The following SLC17A7 variants were observed in gnomAD, a reference collection of about 807,000 sequenced individuals.
SLC17A7 encodes the protein vesicular glutamate transporter 1.
A neutral mutation model predicts 59.1 loss-of-function variants in SLC17A7; 15 were observed. The ratio of observed to expected loss-of-function variants is 0.25; its 90% CI spans 0.17 to 0.39. SLC17A7 has a LOEUF of 0.39. Ranked by LOEUF, SLC17A7 falls within the 10% of genes least tolerant of loss-of-function variation. The probability of loss-of-function intolerance (pLI) is 1.00; values close to 1 mark genes in which losing one functional copy is unlikely to be tolerated. For synonymous variants in SLC17A7, 353 were observed against 308.9 expected (o/e 1.14, Z -1.50); for missense variants, 499 against 765.1 (o/e 0.65, Z 4.10).
rs2078950362 is a variant in SLC17A7, at chr19:49,429,672, C to G, written c.*847G>C. On this transcript the variant is annotated 3_prime_UTR_variant, in exon 12 of 12. Transcript: ENST00000221485. ...TGAGAAACAGGGTAGTTCGAAACCACCCAGGAGAATAAAGTGCGAGGAATT... is the reference window on the plus strand; with the variant it reads ...TGAGAAACAGGGTAGTTCGAAACCAGCCAGGAGAATAAAGTGCGAGGAATT... The G allele has an allele frequency of 5.0e-6, 2 of 397,912 alleles. No individual in the cohort carries two copies. Among genetic ancestry groups the G allele is most frequent in the Non-Finnish European group, 8.9e-6 (2 of 225,728 alleles). 24.6% of individuals were successfully genotyped at this position (397,912 alleles called of 1,614,324 possible).
At position 49,441,469 on chromosome 19, in the gene SLC17A7, G is replaced by C; in HGVS notation, c.-90C>G. 1 of 1,025,888 alleles carries C rather than the reference G, an allele frequency of 9.7e-7. No individual in the cohort carries two copies. The highest frequency in any genetic ancestry group is 1.1e-6 in the Non-Finnish European group (1 of 885,890). 63.5% of individuals were successfully genotyped at this position (1,025,888 alleles called of 1,614,324 possible). The stretch of plus-strand genomic sequence containing the variant: ...CGGGCGGCCGCGTCCGGGTTCCCGG[G>C]GTCCAGCCCCGGCCCGGCCGGCCCC... On this transcript the variant is annotated 5_prime_UTR_variant, in exon 1 of 12. Coordinates refer to ENST00000221485, the MANE Select transcript of SLC17A7 (RefSeq NM_020309.4).
rs1189944987 is a variant in SLC17A7 at position 49,436,603 on chromosome 19, G to T, written c.261C>A (p.Ile87=). ...TCGTGCTGTTATTGACCATGGAGAC[G>T]ATGGCCACGCCCAGGTTGCAGCGGA... ...FGIRCNLGVA[I]VSMVNNSTTH... The change falls in exon 2 of 12, where the codon ATC becomes ATA. Residue 87 remains isoleucine (I), a synonymous_variant. Coordinates refer to ENST00000221485, the MANE Select transcript of SLC17A7 (RefSeq NM_020309.4). This position sits in a 1 kb window ranked among gnomAD's most constrained non-coding sequence, Gnocchi z 4.1. 6.2e-7 allele frequency: 1 copy of T among 1,614,022 alleles called. No individual in the cohort carries two copies. Among genetic ancestry groups the T allele is most frequent in the South Asian group, 1.1e-5 (1 of 91,080 alleles).
chr19:49,432,696 G>A (rs1568634154), intron 8 of SLC17A7, 45 bp from the exon 9 acceptor site: 1 of 1,605,042 alleles, frequency 6.2e-7, no homozygotes, highest in Non-Finnish European at 8.5e-7. Context: ...GGGGCCGCCG[G>A]CTCGGCGTCT....
chr19:49,439,678 C>T (rs1413836004), intron 1 of SLC17A7, among the ~76,000 whole-genome samples: 1 of 152,236 alleles, frequency 6.6e-6, no homozygotes. Context: ...ATTCCCCTCT[C>T]CCTCCAACCA....
Position 49,441,443 on chromosome 19 carries a change from C to T in SLC17A7, c.-64G>A. The T allele has an allele frequency of 7.8e-7, 1 of 1,277,556 alleles. No homozygotes were observed. Among genetic ancestry groups the T allele is most frequent in the East Asian group, 3.9e-5 (1 of 25,670 alleles). 79.1% of individuals were successfully genotyped at this position (1,277,556 alleles called of 1,614,324 possible). On this transcript the variant is annotated 5_prime_UTR_variant, in exon 1 of 12. Coordinates refer to ENST00000221485, the MANE Select transcript of SLC17A7 (RefSeq NM_020309.4). ...CCCGCCGATCCCCCCGCCCGCGGGCCCGGGCGGCCGCGTCCGGGTTCCCGG... is the reference window on the plus strand; with the variant it reads ...CCCGCCGATCCCCCCGCCCGCGGGCTCGGGCGGCCGCGTCCGGGTTCCCGG...
intron 1 of SLC17A7, among the ~76,000 whole-genome samples, chr19:49,439,529 G>C (rs1443762514): frequency 1.3e-5 from 2 of 152,174 alleles, no homozygotes; most frequent in African/African-American, 4.8e-5. Context: ...TTCTAGGCTT[G>C]GGAGGGAGAC....
At chr19:49,440,076 C>G (rs1342823509) in intron 1 of SLC17A7, among the ~76,000 whole-genome samples, 1 of 152,198 alleles carries the variant, frequency 6.6e-6, no homozygotes, top group Non-Finnish European at 1.5e-5. Context: ...CACCAACCTC[C>G]GTCACTGCAC....
rs2078953547 is a variant in SLC17A7 at position 49,430,371 on chromosome 19, G to A, written c.*148C>T. The A allele has an allele frequency of 3.5e-6, 2 of 579,542 alleles. No individual in the cohort carries two copies. Among genetic ancestry groups the A allele is most frequent in the Non-Finnish European group, 5.9e-6 (2 of 337,248 alleles). 35.9% of individuals were successfully genotyped at this position (579,542 alleles called of 1,614,324 possible). A position where few individuals can be genotyped will look rare whatever the true frequency, so the allele number is the denominator to read the frequency against. ...CCCTGAGAGGCAATTGGGAAGGAAA[G>A]AGGATTTGACAGCACTGGGAACAAG... is the stretch of plus-strand genomic sequence containing the variant. On this transcript the variant is annotated 3_prime_UTR_variant, in exon 12 of 12. Transcript: ENST00000221485.
intron 1 of SLC17A7, among the ~76,000 whole-genome samples, chr19:49,440,379 G>A (rs1200642183): frequency 2.6e-5 from 4 of 152,218 alleles, no homozygotes; most frequent in Admixed American, 6.5e-5. Context: ...CTTTTCCGCA[G>A]CTGAGTAATT....
rs779678838 is a variant in SLC17A7 at position 49,434,705 on chromosome 19, C to T, written c.550-16G>A. The T allele has an allele frequency of 6.2e-7, 1 of 1,614,166 alleles. No individual in the cohort carries two copies. The highest frequency in any genetic ancestry group is 8.5e-7 in the Non-Finnish European group (1 of 1,180,022). The stretch of plus-strand genomic sequence containing the variant: ...ATGTGACCCCCTAAAGAGGAGAAAA[C>T]CAAGGTCACTGAGAAGAGGCAGGGT... On this transcript the variant is annotated splice_polypyrimidine_tract_variant and intron_variant, in intron 4 of 11. Coordinates refer to ENST00000221485, the MANE Select transcript of SLC17A7 (RefSeq NM_020309.4).
In SLC17A7 at chr19:49,429,616, T is replaced by A. The variant is rs2078950197; in HGVS notation, c.*903A>T. The A allele has an allele frequency of 2.5e-6, 1 of 398,826 alleles. No homozygotes were observed. Among genetic ancestry groups the A allele is most frequent in the African/African-American group, 2.1e-5 (1 of 48,578 alleles). The allele number at this position is 398,826 out of a possible 1,614,324, so 24.7% of individuals were successfully genotyped here. A position where few individuals can be genotyped will look rare whatever the true frequency, so the allele number is the denominator to read the frequency against. The stretch of plus-strand genomic sequence containing the variant: ...GGAAGGATCCCAGATTTTGAGTCAT[T>A]AAGCCCCTGAGGGACACAACAAATG... On this transcript the variant is annotated 3_prime_UTR_variant, in exon 12 of 12. Coordinates refer to ENST00000221485, the MANE Select transcript of SLC17A7 (RefSeq NM_020309.4).
chr19:49,439,568 A>T (rs570709482), intron 1 of SLC17A7, among the ~76,000 whole-genome samples: 2 of 152,090 alleles, frequency 1.3e-5, no homozygotes, highest in African/African-American at 4.8e-5. Flanking sequence ...TGGGGCTCAT[A>T]CTCATCCACT....
At chr19:49,437,120 T>A in intron 1 of SLC17A7, 1 of 434,296 alleles carries the variant, frequency 2.3e-6, no homozygotes, top group Non-Finnish European at 4.2e-6. Flanking sequence ...TTCAAGAGCC[T>A]GTGCCCCCAC....
At position 49,430,237 on chromosome 19, in the gene SLC17A7, A is replaced by G. The variant is rs2078952577; in HGVS notation, c.*282T>C. 1 of 301,508 alleles carries G rather than the reference A, an allele frequency of 3.3e-6. No individual in the cohort carries two copies. Among genetic ancestry groups the G allele is most frequent in the Non-Finnish European group, 6.1e-6 (1 of 164,140 alleles). The allele number at this position is 301,508 out of a possible 1,614,324, so 18.7% of individuals were successfully genotyped here. On this transcript the variant is annotated 3_prime_UTR_variant, in exon 12 of 12. Coordinates refer to ENST00000221485, the MANE Select transcript of SLC17A7 (RefSeq NM_020309.4). ...GTAAGAGGTCGAACTGTCCATTCAA[A>G]TAAAGCCCTGAAAGGAGAGATTTGA...
Position 49,430,231 on chromosome 19 carries a change from A to AT in SLC17A7, c.*287dup, listed in dbSNP as rs1178674722. On this transcript the variant is annotated 3_prime_UTR_variant, in exon 12 of 12. Transcript: ENST00000221485. ...GAGAGAGTAAGAGGTCGAACTGTCC[A>AT]TTCAAATAAAGCCCTGAAAGGAGAG... 1.0e-5 allele frequency: 3 copies of AT among 290,122 alleles called. No individual in the cohort carries two copies. Among genetic ancestry groups the AT allele is most frequent in the Non-Finnish European group, 1.9e-5 (3 of 157,212 alleles). The allele number at this position is 290,122 out of a possible 1,614,324, so 18.0% of individuals were successfully genotyped here. A position where few individuals can be genotyped will look rare whatever the true frequency, so the allele number is the denominator to read the frequency against.
rs2078970102 is a variant in SLC17A7, at chr19:49,433,874, G to A, written c.725-6C>T. 6.2e-7 allele frequency: 1 copy of A among 1,611,120 alleles called. No homozygotes were observed. Among genetic ancestry groups the A allele is most frequent in the Non-Finnish European group, 8.5e-7 (1 of 1,178,042 alleles). ...CCAGAAGATCCCGAAGCTGCCTGGG[G>A]GGGTCAGGAGGGGGATGGGAGCGAG... is the stretch of plus-strand genomic sequence containing the variant. On this transcript the variant is annotated splice_polypyrimidine_tract_variant and splice_region_variant and intron_variant, in intron 6 of 11. Transcript: ENST00000221485. The surrounding 1 kb of genome is among the most constrained non-coding windows in gnomAD (Gnocchi z 5.7).
Position 49,441,453 on chromosome 19 carries a change from G to A in SLC17A7, c.-74C>T. ...CCCCCGCCCGCGGGCCCGGGCGGCC[G>A]CGTCCGGGTTCCCGGGGTCCAGCCC... On this transcript the variant is annotated 5_prime_UTR_variant, in exon 1 of 12. Transcript: ENST00000221485. 8.4e-7 allele frequency: 1 copy of A among 1,195,834 alleles called. No homozygotes were observed. Among genetic ancestry groups the A allele is most frequent in the Non-Finnish European group, 1.0e-6 (1 of 976,730 alleles). 74.1% of individuals were successfully genotyped at this position (1,195,834 alleles called of 1,614,324 possible).
Position 49,436,532 on chromosome 19 carries a change from C to A in SLC17A7, c.315+17G>T, listed in dbSNP as rs1414387294. The stretch of plus-strand genomic sequence containing the variant: ...TGAGCGGGGCGGGGCTCTGCAAGGG[C>A]TCAGGCCTTGAGCTACCTGCACCAC... On this transcript the variant is annotated intron_variant, in intron 2 of 11. Transcript: ENST00000221485. This position sits in a 1 kb window ranked among gnomAD's most constrained non-coding sequence, Gnocchi z 4.1. 1 of 1,610,086 alleles carries A rather than the reference C, an allele frequency of 6.2e-7. No individual in the cohort carries two copies. Among genetic ancestry groups the A allele is most frequent in the South Asian group, 1.1e-5 (1 of 91,044 alleles).
chr19:49,437,103 T>G, intron 1 of SLC17A7: 1 of 471,640 alleles, frequency 2.1e-6, no homozygotes, highest in Non-Finnish European at 3.8e-6. Flanking sequence ...CAGACAACCC[T>G]TTGGGATTCA....
Sources: allele counts gnomAD v4.1 joint callset (sites outside exome capture counted in the v4.1 genomes callset), GRCh38; gene constraint gnomAD v4.1.1; non-coding constraint Gnocchi (gnomAD v3.1); transcripts MANE v1.5; gene names NCBI Gene and HGNC (gene_info 2026-07-23, HGNC 2026-07-21).